BRINP3: variants seen among roughly 807,000 people sequenced by gnomAD.
BRINP3 encodes the protein BMP/retinoic acid-inducible neural-specific protein 3.
In BRINP3, 19 loss-of-function variants were observed where a neutral mutation model predicts 71.0. The observed-to-expected ratio is 0.27, with a 90% CI of 0.19 to 0.39. BRINP3 has a LOEUF of 0.39. Among genes scored for constraint, BRINP3 ranks in the 10% least tolerant of loss-of-function variants. The pLI, the probability that BRINP3 is intolerant of heterozygous loss-of-function variation, is 1.00. For synonymous variants in BRINP3, 380 were observed against 337.7 expected (o/e 1.13, Z -1.37); for missense variants, 959 against 940.8 (o/e 1.02, Z -0.25).
At chr1:190,216,291 T>TA (rs1387822526) in intron 6 of BRINP3, among the ~76,000 whole-genome samples, 1 of 151,872 alleles carries the variant, frequency 6.6e-6, no homozygotes, top group East Asian at 1.9e-4. Context: ...AATTGGTTTT[T>TA]ATGTGGTTAC....
intron 2 of BRINP3, among the ~76,000 whole-genome samples, chr1:190,432,354 C>A (rs1674156730): frequency 6.6e-6 from 1 of 152,110 alleles, no homozygotes; most frequent in East Asian, 1.9e-4. Context: ...AGTTTAAGGG[C>A]CATAACATGC....
At chr1:190,424,332 T>C (rs891294584) in intron 2 of BRINP3, among the ~76,000 whole-genome samples, 1 of 151,592 alleles carries the variant, frequency 6.6e-6, no homozygotes, top group Non-Finnish European at 1.5e-5. Context: ...GTATTGCCCC[T>C]TTGTTGCCCC....
intron 2 of BRINP3, among the ~76,000 whole-genome samples, chr1:190,434,161 C>A (rs1477889271): frequency 3.3e-5 from 5 of 152,030 alleles, no homozygotes; most frequent in African/African-American, 1.2e-4. Flanking sequence ...TTCCCTCACC[C>A]AGGCTGAAGT....
chr1:190,211,857 C>T (rs746391913), intron 6 of BRINP3, among the ~76,000 whole-genome samples: 1 of 152,004 alleles, frequency 6.6e-6, no homozygotes, highest in Non-Finnish European at 1.5e-5. Context: ...GGATGATATT[C>T]ATAATATTTT....
intron 2 of BRINP3, among the ~76,000 whole-genome samples, chr1:190,301,650 G>A (rs1403361655): frequency 6.6e-6 from 1 of 151,596 alleles, no homozygotes; most frequent in Non-Finnish European, 1.5e-5. Context: ...ATATATTAAA[G>A]AAGTTGTTGA....
intron 2 of BRINP3, among the ~76,000 whole-genome samples, chr1:190,425,141 G>C (rs2134098): frequency 0.068 from 10,370 of 151,632 alleles, 455 homozygotes; most frequent in Non-Finnish European, 0.099. Context: ...AATAATGACA[G>C]ACAATATAGG....
chr1:190,180,351 G>C (rs1299213402), intron 6 of BRINP3, among the ~76,000 whole-genome samples: 1 of 152,028 alleles, frequency 6.6e-6, no homozygotes, highest in East Asian at 1.9e-4. Context: ...TATAGATATA[G>C]CTGTTACTGT....
intron 4 of BRINP3, 129 bp downstream of exon 4, chr1:190,264,736 A>C: frequency 1.4e-6 from 1 of 692,486 alleles, no homozygotes. Context: ...GAAAGCAAGA[A>C]AATTGTAAAT....
chr1:190,403,407 T>G (rs1231707451), intron 2 of BRINP3, among the ~76,000 whole-genome samples: 1 of 152,206 alleles, frequency 6.6e-6, no homozygotes. Context: ...AGCCTCAGAT[T>G]TAGTTCCCAT....
At chr1:190,418,268 C>T (rs1449304775) in intron 2 of BRINP3, among the ~76,000 whole-genome samples, 2 of 152,126 alleles carry the variant, frequency 1.3e-5, no homozygotes, top group African/African-American at 2.4e-5. Flanking sequence ...CCAGGCTGGT[C>T]TCGGACTCCT....
At chr1:190,455,379 T>C (rs1365857950) in intron 1 of BRINP3, among the ~76,000 whole-genome samples, 2 of 152,192 alleles carry the variant, frequency 1.3e-5, no homozygotes, top group African/African-American at 4.8e-5. Context: ...GCAAAGATAT[T>C]CATGTAGTTA....
chr1:190,421,326 T>TTATTAC (rs1026459512), intron 2 of BRINP3, among the ~76,000 whole-genome samples: 1 of 148,764 alleles, frequency 6.7e-6, no homozygotes, highest in Non-Finnish European at 1.5e-5. Flanking sequence ...ATTATTATTA[T>TTATTAC]TGCCAGTTGA....
intron 1 of BRINP3, among the ~76,000 whole-genome samples, chr1:190,462,542 G>T (rs896362421): frequency 6.6e-6 from 1 of 152,066 alleles, no homozygotes; most frequent in African/African-American, 2.4e-5. Flanking sequence ...GGATTATTTT[G>T]ATTGAGATCT....
At chr1:190,115,653 C>A (rs1653069067) in intron 7 of BRINP3, among the ~76,000 whole-genome samples, 1 of 152,088 alleles carries the variant, frequency 6.6e-6, no homozygotes, top group Non-Finnish European at 1.5e-5. Context: ...CGACTCTCTG[C>A]CTCACCAACC....
intron 7 of BRINP3, among the ~76,000 whole-genome samples, chr1:190,158,228 C>T (rs539559253): frequency 6.6e-6 from 1 of 152,152 alleles, no homozygotes; most frequent in East Asian, 1.9e-4. Flanking sequence ...TTTCCCTGCA[C>T]AAGTTCTCTC....
Position 190,281,712 on chromosome 1 carries a change from TCAA to T in BRINP3, c.272_274del (p.Val91del). On this transcript the variant is annotated inframe_deletion, in exon 3 of 8. Coordinates refer to ENST00000367462, the MANE Select transcript of BRINP3 (RefSeq NM_199051.3). ...AGGAGAGCCAAGGAAATTTCTTCTCTCAACTGCAAGGTTATTTACTTTCCAGCG... is the reference window on the plus strand; with the variant it reads ...AGGAGAGCCAAGGAAATTTCTTCTCTCTGCAAGGTTATTTACTTTCCAGCG... The T allele has an allele frequency of 3.1e-6, 5 of 1,612,554 alleles. No individual in the cohort carries two copies. In the East Asian group the frequency reaches 1.1e-4, roughly 36 times the overall value.
intron 6 of BRINP3, among the ~76,000 whole-genome samples, chr1:190,217,723 T>A (rs1453447876): frequency 6.6e-6 from 1 of 152,020 alleles, no homozygotes; most frequent in East Asian, 1.9e-4. Context: ...AGGGATACTA[T>A]ATCAGAAAAT....
chr1:190,259,364 A>T lies in BRINP3; in HGVS notation c.618+5501T>A, dbSNP rs959577253. 1.1e-4 allele frequency among the ~76,000 whole-genome samples: 16 copies of T among 151,938 alleles called. 1 individual carries two copies. The highest frequency in any genetic ancestry group is 3.9e-4 in the African/African-American group (16 of 41,460). ...CTAAAATCAACTAATGTAATAAATC[A>T]TGTAAATAGAATTAAAAAATAAAAA... On this transcript the variant is annotated intron_variant, in intron 4 of 7. Transcript: ENST00000367462.
At chr1:190,229,502 T>C (rs1385461226) in intron 5 of BRINP3, among the ~76,000 whole-genome samples, 1 of 151,994 alleles carries the variant, frequency 6.6e-6, no homozygotes, top group Non-Finnish European at 1.5e-5. Context: ...CAGACTAATA[T>C]GTTGGGCATA....
Sources: allele counts gnomAD v4.1 joint callset (sites outside exome capture counted in the v4.1 genomes callset), GRCh38; gene constraint gnomAD v4.1.1; transcripts MANE v1.5; gene names NCBI Gene and HGNC (gene_info 2026-07-23, HGNC 2026-07-21).